The following LMOD3 variants were observed in gnomAD, a reference collection of about 807,000 sequenced individuals.
The protein encoded by LMOD3 is leiomodin-3.
LMOD3 carries 31 observed loss-of-function variants against 41.8 expected under a neutral mutation model. The observed-to-expected ratio is 0.74, with a 90% CI of 0.56 to 1.00. The LOEUF (loss-of-function observed/expected upper bound fraction) is 1.00. LMOD3 is among the 50% of genes least tolerant of loss of function. The probability of loss-of-function intolerance (pLI) is 0.00; values close to 1 mark genes in which losing one functional copy is unlikely to be tolerated. For synonymous variants in LMOD3, 292 were observed against 241.9 expected, an observed-to-expected ratio of 1.21 and a Z score of -1.92; for missense variants, 755 against 679.5, an observed-to-expected ratio of 1.11 and a Z score of -1.23.
Position 69,119,269 on chromosome 3 carries a change from C to A in LMOD3, c.1086G>T (p.Arg362Ser). 1.9e-6 allele frequency: 3 copies of A among 1,613,922 alleles called. No homozygotes were observed. The highest frequency in any genetic ancestry group is 2.2e-5 in the East Asian group (1 of 44,866). Residue 362 changes from arginine to serine, a missense_variant, in exon 2 of 3, where the codon AGG becomes AGT. Physicochemically the swap from Arg to Ser is moderately radical, Grantham distance 110 (BLOSUM62 -1). Coordinates refer to ENST00000420581, the MANE Select transcript of LMOD3 (RefSeq NM_198271.5). ...GGAGAGTGTTGTTTGCCTTCAAAAGCCTGGCTATTTCCATTTCAGCATGGT... is the reference window on the plus strand; with the variant it reads ...GGAGAGTGTTGTTTGCCTTCAAAAGACTGGCTATTTCCATTTCAGCATGGT... ...LGHHAEMEIARLLKANNTLLK... is the reference protein window; with the variant it reads ...LGHHAEMEIASLLKANNTLLK...
rs5849875 is a variant in LMOD3, at chr3:69,122,513, AT to A, written c.-128del. On this transcript the variant is annotated 5_prime_UTR_variant, in exon 1 of 3. Coordinates refer to ENST00000420581, the MANE Select transcript of LMOD3 (RefSeq NM_198271.5). ...TCCCAAGTTAACACACCCTTGAGATATTTTTTTTTTTTTCCCAGGAACCTCA... is the reference window on the plus strand; with the variant it reads ...TCCCAAGTTAACACACCCTTGAGATATTTTTTTTTTTTCCCAGGAACCTCA... 0.24 allele frequency: 128,213 copies of A among 538,584 alleles called. 560 individuals are homozygous for A. Among genetic ancestry groups the A allele is most frequent in the East Asian group, 0.39 (11,631 of 29,932 alleles). 33.4% of individuals were successfully genotyped at this position (538,584 alleles called of 1,614,324 possible). A position where few individuals can be genotyped will look rare whatever the true frequency, so the allele number is the denominator to read the frequency against.
intron 2 of LMOD3, among the ~76,000 whole-genome samples, chr3:69,115,483 A>AACACACACACACAC (rs10604147): frequency 2.1e-5 from 3 of 144,932 alleles, no homozygotes; most frequent in African/African-American, 7.6e-5. Context: ...TCCTGCCTCA[A>AACACACACACACAC]ACACACACAC....
intron 2 of LMOD3, among the ~76,000 whole-genome samples, chr3:69,115,739 C>T (rs1436095723): frequency 6.6e-6 from 1 of 152,136 alleles, no homozygotes; most frequent in African/African-American, 2.4e-5. Context: ...CTAAAACTAT[C>T]CCTTTCTGCT....
At chr3:69,109,380 C>T (rs926982970) in intron 2 of LMOD3, among the ~76,000 whole-genome samples, 25 of 152,172 alleles carry the variant, frequency 1.6e-4, no homozygotes, top group African/African-American at 5.8e-4. Context: ...GGGCGGGTGC[C>T]TAAGTTGGCC....
intron 2 of LMOD3, among the ~76,000 whole-genome samples, chr3:69,110,853 A>AATATATATAT (rs1302203949): frequency 2.4e-4 from 25 of 104,060 alleles, no homozygotes; most frequent in African/African-American, 9.6e-4. Context: ...AAAAAAAAAA[A>AATATATATAT]ATATATATAT....
chr3:69,112,923 C>A (rs750560521), intron 2 of LMOD3, among the ~76,000 whole-genome samples: 51 of 152,172 alleles, frequency 3.4e-4, no homozygotes, highest in Non-Finnish European at 6.3e-4. Flanking sequence ...TTTTTTCCCA[C>A]TACACATCAA....
chr3:69,107,462 T>TTTTTTTTTG lies in LMOD3; in HGVS notation c.*1632_*1633insCAAAAAAAA, dbSNP rs2092328033. On this transcript the variant is annotated 3_prime_UTR_variant, in exon 3 of 3. Transcript: ENST00000420581. ...AGAAAAGGCACCAAAGGTTTTTTTT[T>TTTTTTTTTG]TTTTTTTTTTTTTTTTTTTTTTTTT... The TTTTTTTTTG allele has an allele frequency of 1.2e-5, 1 of 86,112 alleles. No individual in the cohort carries two copies. The highest frequency in any genetic ancestry group is 2.2e-5 in the Non-Finnish European group (1 of 44,564). 5.3% of individuals were successfully genotyped at this position (86,112 alleles called of 1,614,324 possible).
chr3:69,121,378 G>A (rs925682807), intron 1 of LMOD3, among the ~76,000 whole-genome samples: 4 of 152,020 alleles, frequency 2.6e-5, no homozygotes, highest in Admixed American at 1.3e-4. Context: ...ATAACCTAAA[G>A]AGACTTTACC....
In LMOD3 at chr3:69,109,098, C is replaced by A. The variant is rs377046368; in HGVS notation, c.1680G>T (p.Ala560=). 1.9e-6 allele frequency: 3 copies of A among 1,600,846 alleles called. No individual in the cohort carries two copies. Among genetic ancestry groups the A allele is most frequent in the Non-Finnish European group, 2.6e-6 (3 of 1,173,310 alleles). ...LKPVQLPKEL[A] Reference sequence around the variant, plus strand: ...TTCTAGATGGCTCTGTTGCCTCTTACGCCAGTTCTTTTGGCAGTTGCACCT... The same window carrying A: ...TTCTAGATGGCTCTGTTGCCTCTTAAGCCAGTTCTTTTGGCAGTTGCACCT... The change falls in exon 3 of 3, where the codon GCG becomes GCT. Residue 560 remains alanine (A), a synonymous_variant. Coordinates refer to ENST00000420581, the MANE Select transcript of LMOD3 (RefSeq NM_198271.5).
rs1048797812 is a variant in LMOD3 at position 69,107,238 on chromosome 3, T to A, written c.*1857A>T. ...CTATATTTAAATTTGGATACTTTTGTACATACTAAATTATCTTAAAAAAAT... is the reference window on the plus strand; with the variant it reads ...CTATATTTAAATTTGGATACTTTTGAACATACTAAATTATCTTAAAAAAAT... On this transcript the variant is annotated 3_prime_UTR_variant, in exon 3 of 3. Coordinates refer to ENST00000420581, the MANE Select transcript of LMOD3 (RefSeq NM_198271.5). 4 of 151,964 alleles carry A rather than the reference T, an allele frequency of 2.6e-5. No homozygotes were observed. The highest frequency in any genetic ancestry group is 9.7e-5 in the African/African-American group (4 of 41,378). 9.4% of individuals were successfully genotyped at this position (151,964 alleles called of 1,614,324 possible).
In LMOD3 at chr3:69,107,557, A is replaced by G. The variant is rs963682825; in HGVS notation, c.*1538T>C. 1 of 134,656 alleles carries G rather than the reference A, an allele frequency of 7.4e-6. No individual in the cohort carries two copies. The highest frequency in any genetic ancestry group is 1.5e-5 in the Non-Finnish European group (1 of 65,948). The allele number at this position is 134,656 out of a possible 1,614,324, so 8.3% of individuals were successfully genotyped here. A position where few individuals can be genotyped will look rare whatever the true frequency, so the allele number is the denominator to read the frequency against. Reference sequence around the variant, plus strand: ...AGTGACGTGATCTTGTCTCACTGCAACCTCTGCCTCCCCAGTTCAAGCAAT... The same window carrying G: ...AGTGACGTGATCTTGTCTCACTGCAGCCTCTGCCTCCCCAGTTCAAGCAAT... On this transcript the variant is annotated 3_prime_UTR_variant, in exon 3 of 3. Coordinates refer to ENST00000420581, the MANE Select transcript of LMOD3 (RefSeq NM_198271.5).
Position 69,119,893 on chromosome 3 carries a change from A to G in LMOD3, c.462T>C (p.Asp154=), listed in dbSNP as rs926686921. The change falls in exon 2 of 3, where the codon GAT becomes GAC. Residue 154 remains aspartate (D), a synonymous_variant. Transcript: ENST00000420581. ...CATCATCTTCTCCTTCGTCGTCATC[A>G]TCATCATCTTCTTCTTCTTCATCTT... is the stretch of plus-strand genomic sequence containing the variant. The part of the protein sequence containing the change: ...DEEDEEEEDD[D]DDDEGEDDGE... 8.1e-6 allele frequency: 12 copies of G among 1,483,726 alleles called. No individual in the cohort carries two copies. Among genetic ancestry groups the G allele is most frequent in the Non-Finnish European group, 1.1e-5 (12 of 1,083,176 alleles). 91.9% of individuals were successfully genotyped at this position (1,483,726 alleles called of 1,614,324 possible).
intron 2 of LMOD3, among the ~76,000 whole-genome samples, chr3:69,110,970 C>T (rs182245142): frequency 6.7e-6 from 1 of 150,218 alleles, no homozygotes; most frequent in East Asian, 2.0e-4. Context: ...CATAGGAAAA[C>T]CTTAAGGACA....
intron 1 of LMOD3, 82 bp from the exon 2 acceptor site, chr3:69,120,142 A>G: frequency 7.0e-7 from 1 of 1,423,710 alleles, no homozygotes; most frequent in Non-Finnish European, 9.2e-7. Flanking sequence ...AGATAATAAA[A>G]ATGCTTATTT....
intron 2 of LMOD3, among the ~76,000 whole-genome samples, chr3:69,110,590 T>C (rs921533888): frequency 6.7e-6 from 1 of 148,416 alleles, no homozygotes; most frequent in Non-Finnish European, 1.5e-5. Context: ...CGCCTGTAAT[T>C]CCAGCACTTT....
chr3:69,106,356 TA>T lies in LMOD3; in HGVS notation c.*2738del, dbSNP rs558613480. On this transcript the variant is annotated 3_prime_UTR_variant, in exon 3 of 3. Coordinates refer to ENST00000420581, the MANE Select transcript of LMOD3 (RefSeq NM_198271.5). ...AATCCAATAAATTTGGAGAAACTAATAAAAAAAAAGATACCTGTAATTACTA... is the reference window on the plus strand; with the variant it reads ...AATCCAATAAATTTGGAGAAACTAATAAAAAAAAGATACCTGTAATTACTA... 3.3e-5 allele frequency among the ~76,000 whole-genome samples: 5 copies of T among 150,444 alleles called. No homozygotes were observed. Among genetic ancestry groups the T allele is most frequent in the Admixed American group, 1.3e-4 (2 of 15,094 alleles).
At chr3:69,110,853 A>AAAAAAAATATATATATATAT (rs1458630453) in intron 2 of LMOD3, among the ~76,000 whole-genome samples, 1 of 104,124 alleles carries the variant, frequency 9.6e-6, no homozygotes, top group African/African-American at 4.8e-5. Context: ...AAAAAAAAAA[A>AAAAAAAATATATATATATAT]ATATATATAT....
intron 2 of LMOD3, among the ~76,000 whole-genome samples, chr3:69,111,422 C>G (rs972315514): frequency 2.0e-5 from 3 of 152,124 alleles, no homozygotes; most frequent in Non-Finnish European, 4.4e-5. Flanking sequence ...AACCATGAGC[C>G]AGGTATTTAA....
Position 69,119,000 on chromosome 3 carries a change from G to A in LMOD3, c.1355C>T (p.Pro452Leu), listed in dbSNP as rs750436069. 1.6e-5 allele frequency: 26 copies of A among 1,613,646 alleles called. No homozygotes were observed. Among genetic ancestry groups the A allele is most frequent in the Non-Finnish European group, 1.9e-5 (22 of 1,179,828 alleles). Reference sequence around the variant, plus strand: ...GACATTTTGGGGGTTGGGAGGCCGAGGTGGCGGTGGCTGGAAGAATTCCTG... The same window carrying A: ...GACATTTTGGGGGTTGGGAGGCCGAAGTGGCGGTGGCTGGAAGAATTCCTG... ...RMQEFFQPPP[P>L]RPPNPQNVPF... Residue 452 changes from proline to leucine, a missense_variant, in exon 2 of 3, where the codon CCT becomes CTT. By Grantham distance (98) the Pro-to-Leu change is moderately conservative (BLOSUM62 -3). Transcript: ENST00000420581.
Sources: allele counts gnomAD v4.1 joint callset (sites outside exome capture counted in the v4.1 genomes callset), GRCh38; gene constraint gnomAD v4.1.1; transcripts MANE v1.5; gene names NCBI Gene and HGNC (gene_info 2026-07-23, HGNC 2026-07-21).